Variants in PCYT1B observed in about 807,000 individuals in gnomAD.
PCYT1B encodes phosphate cytidylyltransferase 1B, choline, also known as choline-phosphate cytidylyltransferase B.
Under a neutral mutation model 26.4 loss-of-function variants are expected in PCYT1B, and 10 were observed. That is an observed-to-expected ratio of 0.38 (90% CI 0.23 to 0.64). The LOEUF is 0.64. PCYT1B is among the 30% of genes least tolerant of loss of function. The probability of loss-of-function intolerance (pLI) is 0.56; values close to 1 mark genes in which losing one functional copy is unlikely to be tolerated. For synonymous variants in PCYT1B, 131 were observed against 108.4 expected, an observed-to-expected ratio of 1.21 and a Z score of -1.29; for missense variants, 161 against 292.7, an observed-to-expected ratio of 0.55 and a Z score of 3.28.
At chrX:24,662,195 G>A (rs1163147732) in intron 1 of PCYT1B, among the ~76,000 whole-genome samples, 1 of 111,319 alleles carries the variant, frequency 9.0e-6, no homozygotes, top group Non-Finnish European at 1.9e-5. Context: ...AAACAAACAG[G>A]TATTGTGTTT....
chrX:24,572,465 C>T (rs1468338710), intron 7 of PCYT1B, among the ~76,000 whole-genome samples: 1 of 111,569 alleles, frequency 9.0e-6, no homozygotes, highest in African/African-American at 3.3e-5. Flanking sequence ...CTCATTGTAC[C>T]AGAACTTGTA....
intron 1 of PCYT1B, among the ~76,000 whole-genome samples, chrX:24,624,195 T>C (rs888233909): frequency 1.5e-4 from 17 of 110,561 alleles, no homozygotes; most frequent in South Asian, 3.9e-4. Context: ...GGTCTTGATC[T>C]CCTGACCTCG....
chrX:24,661,027 T>C (rs781506563), intron 1 of PCYT1B, among the ~76,000 whole-genome samples: 5 of 111,859 alleles, frequency 4.5e-5, no homozygotes, highest in Non-Finnish European at 9.4e-5. Context: ...AATACTCATA[T>C]GAATATATAA....
intron 1 of PCYT1B, among the ~76,000 whole-genome samples, chrX:24,637,491 A>AAATATATATATATATATATATATATATAT: frequency 3.8e-5 from 2 of 52,872 alleles, no homozygotes; most frequent in African/African-American, 1.5e-4. Context: ...AAAAAAAAAA[A>AAATATATATATATATATATATATATATAT]ATATATATAT....
At chrX:24,622,777 C>G (rs143500638) in intron 1 of PCYT1B, among the ~76,000 whole-genome samples, 3 of 111,994 alleles carry the variant, frequency 2.7e-5, no homozygotes, top group Non-Finnish European at 5.6e-5. Context: ...ACTCAGTTAC[C>G]TTTTTGGCTC....
chrX:24,661,517 A>C (rs1927028968), intron 1 of PCYT1B, among the ~76,000 whole-genome samples: 1 of 112,146 alleles, frequency 8.9e-6, no homozygotes, highest in African/African-American at 3.2e-5. Context: ...CCTATGAAAT[A>C]GTCTGCCAAG....
At chrX:24,579,199 A>AAAG (rs1555956460) in intron 6 of PCYT1B, 117 bp downstream of exon 6, 12,735 of 444,934 alleles carry the variant, frequency 0.029, 1 homozygote, top group East Asian at 0.039. Context: ...AAAAAAAAAA[A>AAAG]AGAGAGAGAG....
chrX:24,574,385 C>T (rs910921470), intron 7 of PCYT1B, among the ~76,000 whole-genome samples: 2 of 111,369 alleles, frequency 1.8e-5, no homozygotes, highest in African/African-American at 6.5e-5. Context: ...AATAAAGTAC[C>T]AGTGGAGGTT....
chrX:24,661,893 G>C (rs1927036279), intron 1 of PCYT1B, among the ~76,000 whole-genome samples: 1 of 111,919 alleles, frequency 8.9e-6, no homozygotes, highest in African/African-American at 3.2e-5. Flanking sequence ...GCTGCTTGAG[G>C]TCACTCACAC....
At chrX:24,638,180 A>G (rs1926354446) in intron 1 of PCYT1B, among the ~76,000 whole-genome samples, 2 of 111,903 alleles carry the variant, frequency 1.8e-5, no homozygotes, top group Admixed American at 1.9e-4. Context: ...CCGAGTAGAA[A>G]ACAAAAACAC....
At chrX:24,578,767 G>A (rs1055271340) in intron 6 of PCYT1B, among the ~76,000 whole-genome samples, 16 of 111,333 alleles carry the variant, frequency 1.4e-4, no homozygotes, top group Non-Finnish European at 2.1e-4. Context: ...TTTACAAGGG[G>A]CAGATCTCCC....
chrX:24,660,535 G>A (rs766386391), intron 1 of PCYT1B, among the ~76,000 whole-genome samples: 125 of 110,509 alleles, frequency 1.1e-3, no homozygotes, highest in Middle Eastern at 4.7e-3. Context: ...AAAATTACCT[G>A]GATGCGGTGG....
chrX:24,627,308 A>T (rs747702209), intron 1 of PCYT1B, among the ~76,000 whole-genome samples: 49 of 112,123 alleles, frequency 4.4e-4, no homozygotes, highest in African/African-American at 1.5e-3. Context: ...CTTTCACTCT[A>T]GGGAGATGGG....
intron 5 of PCYT1B, among the ~76,000 whole-genome samples, chrX:24,581,480 G>A (rs573415006): frequency 1.8e-5 from 2 of 111,885 alleles, no homozygotes; most frequent in South Asian, 7.5e-4. Flanking sequence ...TCTTTACCTG[G>A]TTAACTCCTG....
intron 4 of PCYT1B, among the ~76,000 whole-genome samples, chrX:24,587,898 A>G (rs1440122728): frequency 1.8e-5 from 2 of 112,574 alleles, no homozygotes; most frequent in Non-Finnish European, 3.8e-5. Context: ...CCGCTGGGGC[A>G]CCAGGCCATG....
intron 6 of PCYT1B, 94 bp downstream of exon 6, chrX:24,579,222 C>A: frequency 3.8e-6 from 3 of 793,763 alleles, no homozygotes; most frequent in Non-Finnish European, 5.5e-6. Context: ...AGGGAGAACA[C>A]TGCATAGCAC....
chrX:24,657,932 C>T (rs1308768404), intron 1 of PCYT1B: 1 of 111,521 alleles, frequency 9.0e-6, no homozygotes, highest in South Asian at 3.8e-4. Flanking sequence ...ATCAAATTAT[C>T]CTCCAGCATG....
chrX:24,577,583 T>C (rs781508256), intron 6 of PCYT1B, among the ~76,000 whole-genome samples: 1 of 111,936 alleles, frequency 8.9e-6, no homozygotes, highest in African/African-American at 3.2e-5. Flanking sequence ...CCGGCTTATA[T>C]GAAGTTACAG....
upstream of PCYT1B, among the ~76,000 whole-genome samples, chrX:24,648,929 A>T (rs1430374797): frequency 2.7e-5 from 3 of 111,731 alleles, no homozygotes; most frequent in African/African-American, 9.8e-5. Flanking sequence ...ATATAAGGGG[A>T]CATTATTTTT....
Sources: gnomAD v4.1 joint callset for allele counts (sites outside exome capture counted in the v4.1 genomes callset) on GRCh38, gnomAD v4.1.1 for gene constraint, MANE v1.5 for transcripts, NCBI Gene and HGNC (gene_info 2026-07-23, HGNC 2026-07-21) for gene names.